The following RPH3A variants were observed in gnomAD, a reference collection of about 807,000 sequenced individuals.
RPH3A encodes the protein rabphilin-3A.
RPH3A carries 48 observed loss-of-function variants against 102.2 expected under a neutral mutation model. The ratio of observed to expected loss-of-function variants is 0.47; its 90% CI spans 0.37 to 0.60. RPH3A has a LOEUF of 0.60. Ranked by LOEUF, RPH3A falls within the 20% of genes least tolerant of loss-of-function variation. The probability of loss-of-function intolerance (pLI) is 0.00; values close to 1 mark genes in which losing one functional copy is unlikely to be tolerated. For missense variants in RPH3A, 781 were observed against 910.1 expected (o/e 0.86, Z 1.83); for synonymous variants, 310 against 324.3 (o/e 0.96, Z 0.47).
At chr12:112,878,446 G>T (rs959835814) in intron 13 of RPH3A, among the ~76,000 whole-genome samples, 7 of 152,142 alleles carry the variant, frequency 4.6e-5, no homozygotes, top group Non-Finnish European at 5.9e-5. Flanking sequence ...TGTACAAAGT[G>T]CCTCAAACTG....
chr12:112,841,599 G>A (rs2042145852), intron 4 of RPH3A, among the ~76,000 whole-genome samples: 1 of 152,058 alleles, frequency 6.6e-6, no homozygotes, highest in Non-Finnish European at 1.5e-5. Context: ...TTTGACAGAT[G>A]GATATTACAG....
chr12:112,892,608 G>A (rs1055832088), intron 19 of RPH3A, among the ~76,000 whole-genome samples: 9 of 152,194 alleles, frequency 5.9e-5, no homozygotes, highest in African/African-American at 2.2e-4. Flanking sequence ...CGTGGCTTCA[G>A]CAAGAACATC....
chr12:112,628,112 C>G (rs991727785), intron 1 of RPH3A, among the ~76,000 whole-genome samples: 1 of 152,064 alleles, frequency 6.6e-6, no homozygotes, highest in Non-Finnish European at 1.5e-5. Context: ...CCAGGCCCCC[C>G]CTCCAACAAT....
Position 112,813,113 on chromosome 12 carries a change from G to C in RPH3A, c.-18-15188G>C, listed in dbSNP as rs188602163. Among the ~76,000 whole-genome samples, 118 of 152,342 alleles carry C rather than the reference G, an allele frequency of 7.7e-4. 1 individual carries two copies. The highest frequency in any genetic ancestry group is 1.2e-3 in the Non-Finnish European group (80 of 68,036). On this transcript the variant is annotated intron_variant, in intron 2 of 21. Coordinates refer to ENST00000389385, the MANE Select transcript of RPH3A (RefSeq NM_001143854.2). ...GGAAAGAAAGGCATAGAGAGGTTAA[G>C]TAACCATCTTAACATCACACAACTA...
intron 3 of RPH3A, among the ~76,000 whole-genome samples, chr12:112,835,824 G>A (rs566050801): frequency 1.3e-5 from 2 of 152,000 alleles, no homozygotes; most frequent in East Asian, 3.9e-4. Flanking sequence ...GGGAATTTGA[G>A]AGAAATGAAT....
intron 1 of RPH3A, among the ~76,000 whole-genome samples, chr12:112,628,889 A>G (rs1024415615): frequency 6.6e-6 from 1 of 152,136 alleles, no homozygotes; most frequent in Non-Finnish European, 1.5e-5. Flanking sequence ...CAGGGAGACC[A>G]GGGAAGAGGC....
intron 3 of RPH3A, among the ~76,000 whole-genome samples, chr12:112,833,887 A>G (rs2042010128): frequency 6.6e-6 from 1 of 152,056 alleles, no homozygotes; most frequent in Admixed American, 6.6e-5. Context: ...ACATTACTGC[A>G]CCTGGATAAG....
At chr12:112,741,500 C>T (rs552008293) in intron 1 of RPH3A, among the ~76,000 whole-genome samples, 7 of 152,238 alleles carry the variant, frequency 4.6e-5, no homozygotes, top group Admixed American at 3.9e-4. Context: ...TTTAGAAGAC[C>T]GCTTTAATGA....
At chr12:112,576,062 A>T (rs1234110490) in intron 1 of RPH3A, among the ~76,000 whole-genome samples, 2 of 152,198 alleles carry the variant, frequency 1.3e-5, no homozygotes, top group Non-Finnish European at 2.9e-5. Flanking sequence ...GGAGTTATTC[A>T]TTCATTGAAT....
At chr12:112,712,581 C>T (rs2040469866) in intron 1 of RPH3A, among the ~76,000 whole-genome samples, 1 of 152,168 alleles carries the variant, frequency 6.6e-6, no homozygotes, top group South Asian at 2.1e-4. Flanking sequence ...ACAGCCCTGT[C>T]CCCAATCACA....
chr12:112,663,059 GGT>G (rs60392620), intron 1 of RPH3A, among the ~76,000 whole-genome samples: 39 of 141,222 alleles, frequency 2.8e-4, no homozygotes, highest in African/African-American at 8.2e-4. Context: ...CTAAGTGATT[GGT>G]GTGTGTGTGT....
At chr12:112,793,660 C>T (rs910745028) in intron 2 of RPH3A, among the ~76,000 whole-genome samples, 1 of 152,204 alleles carries the variant, frequency 6.6e-6, no homozygotes, top group Non-Finnish European at 1.5e-5. Flanking sequence ...TTAGATTCCT[C>T]ACTGGGAAGA....
At chr12:112,699,825 C>T (rs1592950901) in intron 1 of RPH3A, among the ~76,000 whole-genome samples, 1 of 152,210 alleles carries the variant, frequency 6.6e-6, no homozygotes, top group African/African-American at 2.4e-5. Context: ...AGAAAGTCTA[C>T]ATACACTTCT....
At chr12:112,847,316 C>A (rs2042246963) in intron 4 of RPH3A, among the ~76,000 whole-genome samples, 1 of 152,156 alleles carries the variant, frequency 6.6e-6, no homozygotes, top group South Asian at 2.1e-4. Flanking sequence ...CTATGTGGCC[C>A]CCAAAAGCCA....
At chr12:112,867,205 A>G (rs1037098742) in intron 7 of RPH3A, among the ~76,000 whole-genome samples, 1 of 146,334 alleles carries the variant, frequency 6.8e-6, no homozygotes, top group South Asian at 2.2e-4. Flanking sequence ...TCTTCCTCTA[A>G]TCCTTACTGC....
At chr12:112,631,830 C>A (rs77228072) in intron 1 of RPH3A, among the ~76,000 whole-genome samples, 1 of 152,054 alleles carries the variant, frequency 6.6e-6, no homozygotes, top group Admixed American at 6.6e-5. Flanking sequence ...GGCCTGAAAG[C>A]GTGTAAATGT....
In RPH3A at chr12:112,890,160, T is replaced by C. The variant is rs2043069222; in HGVS notation, c.1620+80T>C. ...AGCATCTTCCTCTTCTCTCCCTCCC[T>C]GGCCCCTTCCTCATCCATTCTCTTC... On this transcript the variant is annotated intron_variant, in intron 18 of 21. Coordinates refer to ENST00000389385, the MANE Select transcript of RPH3A (RefSeq NM_001143854.2). The C allele has an allele frequency of 5.4e-6, 7 of 1,289,686 alleles. No individual in the cohort carries two copies. In the South Asian group the frequency reaches 8.4e-5, roughly 15 times the overall value. 79.9% of individuals were successfully genotyped at this position (1,289,686 alleles called of 1,614,324 possible).
chr12:112,723,531 C>T (rs1215639703), intron 1 of RPH3A, among the ~76,000 whole-genome samples: 4 of 152,190 alleles, frequency 2.6e-5, no homozygotes, highest in Non-Finnish European at 2.9e-5. Context: ...TCTTGTAATG[C>T]CATGACCTTT....
At chr12:112,713,042 T>TCTC (rs1412476539) in intron 1 of RPH3A, among the ~76,000 whole-genome samples, 11 of 85,104 alleles carry the variant, frequency 1.3e-4, no homozygotes, top group Non-Finnish European at 6.4e-5. Context: ...TTCTTCTTCT[T>TCTC]CTTCTTCTCC....
Sources: gnomAD v4.1 joint callset for allele counts (sites outside exome capture counted in the v4.1 genomes callset) on GRCh38, gnomAD v4.1.1 for gene constraint, MANE v1.5 for transcripts, NCBI Gene and HGNC (gene_info 2026-07-23, HGNC 2026-07-21) for gene names.